RPTOR: variants seen among roughly 807,000 people sequenced by gnomAD.
The protein encoded by RPTOR is regulatory associated protein of MTOR complex 1.
A neutral mutation model predicts 169.9 loss-of-function variants in RPTOR; 21 were observed. The ratio of observed to expected loss-of-function variants is 0.12; its 90% CI spans 0.09 to 0.18. The LOEUF is 0.18. Ranked by LOEUF, RPTOR falls within the 10% of genes least tolerant of loss-of-function variation. RPTOR has a pLI of 1.00. For synonymous variants in RPTOR, 732 were observed against 753.2 expected (o/e 0.97, Z 0.46); for missense variants, 1,133 against 1,855.9 (o/e 0.61, Z 7.16).
chr17:80,634,305 G>A (rs202244249), intron 2 of RPTOR, among the ~76,000 whole-genome samples: 13,997 of 84,702 alleles, frequency 0.17, 1,781 homozygotes, highest in Non-Finnish European at 0.19. Context: ...GTGTGTGTGC[G>A]TACTGTGCGT....
chr17:80,930,211 GCTCATCCTCAGCTCATCCCCAGCTCATC>G (rs1567993378), intron 24 of RPTOR, among the ~76,000 whole-genome samples: 1 of 16,802 alleles, frequency 6.0e-5, no homozygotes, highest in African/African-American at 2.9e-4. Flanking sequence ...CTCATCCCCA[GCTCATCCTCAGCTCATCCCCAGCTCATC>G]CTCAGCTCAG....
rs545477671 is a variant in RPTOR, at chr17:80,707,855, G to A, written c.363G>A (p.Gln121=). 3.1e-6 allele frequency: 5 copies of A among 1,613,600 alleles called. No individual in the cohort carries two copies. The highest frequency in any genetic ancestry group is 4.2e-6 in the Non-Finnish European group (5 of 1,179,592). ...ENWQPRARYK[Q]SLDPTVDEVK... ...TCCTGCAACAGGCCCGGTACAAGCA[G>A]AGCCTTGACCCAACTGTGGATGAAG... The change falls in exon 4 of 34, where the codon CAG becomes CAA. Residue 121 remains glutamine (Q), a synonymous_variant. Coordinates refer to ENST00000306801, the MANE Select transcript of RPTOR (RefSeq NM_020761.3). The surrounding 1 kb of genome is among the most constrained non-coding windows in gnomAD (Gnocchi z 5.0).
intron 6 of RPTOR, among the ~76,000 whole-genome samples, chr17:80,762,410 C>A (rs1330582064): frequency 6.6e-6 from 1 of 152,148 alleles, no homozygotes; most frequent in East Asian, 1.9e-4. Flanking sequence ...GTGGAGCTGG[C>A]GAGGGCCCCA....
intron 1 of RPTOR, among the ~76,000 whole-genome samples, chr17:80,625,296 A>AT (rs1268020942): frequency 6.6e-6 from 1 of 152,250 alleles, no homozygotes. Context: ...AATAACAAGA[A>AT]TTTTACATCT....
chr17:80,632,714 T>G (rs772688682), intron 2 of RPTOR, among the ~76,000 whole-genome samples: 1 of 152,218 alleles, frequency 6.6e-6, no homozygotes, highest in Non-Finnish European at 1.5e-5. Context: ...TTTAACAATA[T>G]GGCATAAGAG....
chr17:80,576,432 GA>G (rs1568314208), intron 1 of RPTOR, among the ~76,000 whole-genome samples: 1 of 152,296 alleles, frequency 6.6e-6, no homozygotes, highest in East Asian at 1.9e-4. Context: ...CAAGACTTAG[GA>G]AATTATTTAA....
chr17:80,882,477 G>T (rs188934788), intron 14 of RPTOR, among the ~76,000 whole-genome samples: 1 of 152,224 alleles, frequency 6.6e-6, no homozygotes, highest in African/African-American at 2.4e-5. Context: ...CATCAGCAGC[G>T]GCTCTCGGCC....
chr17:80,710,896 T>C (rs1032529296), intron 4 of RPTOR, among the ~76,000 whole-genome samples: 6 of 152,252 alleles, frequency 3.9e-5, no homozygotes, highest in African/African-American at 1.4e-4. Context: ...TGTTCCTTCT[T>C]TGTATATATA....
intron 1 of RPTOR, among the ~76,000 whole-genome samples, chr17:80,598,624 G>A (rs372818244): frequency 1.1e-4 from 16 of 152,270 alleles, no homozygotes; most frequent in African/African-American, 2.9e-4. Flanking sequence ...TGGTTCTGCC[G>A]CAGTCTGCGA....
chr17:80,925,547 C>CGTTT, intron 24 of RPTOR, 67 bp downstream of exon 24: 4 of 1,277,000 alleles, frequency 3.1e-6, no homozygotes, highest in Non-Finnish European at 4.5e-6. Flanking sequence ...CTTCTTTGAG[C>CGTTT]ATAAACGCTC....
intron 13 of RPTOR, chr17:80,858,169 C>A (rs1205102358): frequency 4.2e-6 from 2 of 481,172 alleles, no homozygotes; most frequent in Non-Finnish European, 3.8e-6. Flanking sequence ...CCCTGGCCTT[C>A]CCCTGGTGCC....
intron 6 of RPTOR, among the ~76,000 whole-genome samples, chr17:80,783,228 A>G (rs2066958766): frequency 1.3e-5 from 2 of 152,178 alleles, no homozygotes; most frequent in African/African-American, 2.4e-5. Context: ...TGACTCATCA[A>G]TGTAGGAATG....
chr17:80,906,213 A>G (rs1475799113), intron 20 of RPTOR, among the ~76,000 whole-genome samples: 3 of 145,506 alleles, frequency 2.1e-5, no homozygotes, highest in Non-Finnish European at 4.6e-5. Context: ...CACCCACTCT[A>G]AAAAAAAAAA....
intron 1 of RPTOR, among the ~76,000 whole-genome samples, chr17:80,603,893 A>AC (rs1324931109): frequency 2.6e-5 from 4 of 152,186 alleles, no homozygotes; most frequent in African/African-American, 9.7e-5. Context: ...TTCAGCATAA[A>AC]CCATATTGTT....
At chr17:80,631,369 G>C (rs2065440712) in intron 2 of RPTOR, among the ~76,000 whole-genome samples, 1 of 152,164 alleles carries the variant, frequency 6.6e-6, no homozygotes, top group Non-Finnish European at 1.5e-5. Context: ...ATGCAGGAGA[G>C]TGTGAGTGCC....
chr17:80,864,270 G>A (rs2067955155), intron 13 of RPTOR, among the ~76,000 whole-genome samples: 3 of 144,430 alleles, frequency 2.1e-5, no homozygotes, highest in Non-Finnish European at 4.6e-5. Context: ...GCAAAGGTGA[G>A]AATGACGGCA....
At chr17:80,688,470 G>A (rs2065965754) in intron 3 of RPTOR, among the ~76,000 whole-genome samples, 1 of 152,188 alleles carries the variant, frequency 6.6e-6, no homozygotes. Flanking sequence ...GTCAGGTTCT[G>A]GATAAGTTTC....
At chr17:80,647,973 A>T (rs1466907668) in intron 3 of RPTOR, among the ~76,000 whole-genome samples, 2 of 152,118 alleles carry the variant, frequency 1.3e-5, no homozygotes, top group African/African-American at 4.8e-5. Flanking sequence ...TGCTTCTCAG[A>T]TGTGTCACAG....
At chr17:80,950,069 GC>G (rs981305482) in intron 28 of RPTOR, among the ~76,000 whole-genome samples, 20 of 152,348 alleles carry the variant, frequency 1.3e-4, no homozygotes, top group Middle Eastern at 3.4e-3. Flanking sequence ...CGGCCTGGGT[GC>G]GGGGCGAGGC....
Sources: allele counts gnomAD v4.1 joint callset (sites outside exome capture counted in the v4.1 genomes callset), GRCh38; gene constraint gnomAD v4.1.1; non-coding constraint Gnocchi (gnomAD v3.1); transcripts MANE v1.5; gene names NCBI Gene and HGNC (gene_info 2026-07-23, HGNC 2026-07-21).